Variants in UTRN observed in about 807,000 individuals in gnomAD.
The protein encoded by UTRN is dystrophin-related protein 1.
A neutral mutation model predicts 463.9 loss-of-function variants in UTRN; 283 were observed. The ratio of observed to expected loss-of-function variants is 0.61; its 90% CI spans 0.55 to 0.67. The LOEUF is 0.67. UTRN is among the 30% of genes least tolerant of loss of function. The pLI, the probability that UTRN is intolerant of heterozygous loss-of-function variation, is 0.00. For missense variants in UTRN, 3,922 were observed against 4,084.3 expected, an observed-to-expected ratio of 0.96 and a Z score of 1.08; for synonymous variants, 1,442 against 1,431.5, an observed-to-expected ratio of 1.01 and a Z score of -0.17.
chr6:144,512,260 A>G (rs957263330), intron 35 of UTRN, among the ~76,000 whole-genome samples: 4 of 152,100 alleles, frequency 2.6e-5, no homozygotes, highest in African/African-American at 9.7e-5. Flanking sequence ...TTAATTTTTA[A>G]TTACTAGCTT....
chr6:144,389,135 T>C (rs2114759601), intron 2 of UTRN, among the ~76,000 whole-genome samples: 1 of 152,272 alleles, frequency 6.6e-6, no homozygotes, highest in East Asian at 1.9e-4. Flanking sequence ...AAGATGAACA[T>C]TGGCTTGGTC....
intron 51 of UTRN, among the ~76,000 whole-genome samples, chr6:144,599,110 G>A (rs1194367606): frequency 1.3e-5 from 2 of 152,086 alleles, no homozygotes; most frequent in East Asian, 3.8e-4. Flanking sequence ...TCTCATTTAA[G>A]GCACAAAGCA....
At chr6:144,725,924 G>C (rs1055979980) in intron 53 of UTRN, among the ~76,000 whole-genome samples, 1 of 152,200 alleles carries the variant, frequency 6.6e-6, no homozygotes, top group Non-Finnish European at 1.5e-5. Flanking sequence ...TACTTGGCAT[G>C]GTTCCCACCT....
chr6:144,419,999 A>G (rs1336360527), intron 3 of UTRN, among the ~76,000 whole-genome samples: 1 of 131,730 alleles, frequency 7.6e-6, no homozygotes, highest in Non-Finnish European at 1.7e-5. Flanking sequence ...CACACACACA[A>G]TAAAAACAGA....
Position 144,850,466 on chromosome 6 carries a change from T to C in UTRN, c.10294-523T>C, listed in dbSNP as rs1782396098. ...AATGTTTGACCTTCCCTTCAAAAGG[T>C]TGATACCACTTCCATGAGTGTGGCC... On this transcript the variant is annotated intron_variant, in intron 74 of 74. Coordinates refer to ENST00000367545, the MANE Select transcript of UTRN (RefSeq NM_007124.3). Among the ~76,000 whole-genome samples, 4 of 152,162 alleles carry C rather than the reference T, an allele frequency of 2.6e-5. No homozygotes were observed. In the South Asian group the frequency reaches 6.2e-4, roughly 24 times the overall value.
chr6:144,380,979 T>TC (rs1433435057), intron 2 of UTRN, among the ~76,000 whole-genome samples: 4 of 152,096 alleles, frequency 2.6e-5, no homozygotes, highest in African/African-American at 9.7e-5. Context: ...TTCCTTTCTT[T>TC]TTTTCTTTCT....
chr6:144,551,136 G>GACAC (rs5880596), intron 48 of UTRN, 54 bp downstream of exon 48: 37,607 of 633,608 alleles, frequency 0.059, 2,355 homozygotes, highest in African/African-American at 0.29. Flanking sequence ...TGCAAATGGT[G>GACAC]ACACACACAC....
chr6:144,622,020 AT>A (rs1775433359), intron 51 of UTRN, among the ~76,000 whole-genome samples: 1 of 151,834 alleles, frequency 6.6e-6, no homozygotes, highest in Non-Finnish European at 1.5e-5. Context: ...ATATAAATAG[AT>A]CTTCATTGTA....
chr6:144,425,565 G>T (rs957944614), intron 6 of UTRN, among the ~76,000 whole-genome samples: 1 of 152,076 alleles, frequency 6.6e-6, no homozygotes, highest in Non-Finnish European at 1.5e-5. Context: ...ATTAGTTGGT[G>T]TTCTACTTGT....
rs143401888 is a variant in UTRN at position 144,763,517 on chromosome 6, A to G, written c.8495+5528A>G. Among the ~76,000 whole-genome samples, 1,083 of 152,278 alleles carry G rather than the reference A, an allele frequency of 7.1e-3. 16 individuals carry two copies. Among genetic ancestry groups the G allele is most frequent in the African/African-American group, 0.023 (949 of 41,550 alleles). On this transcript the variant is annotated intron_variant, in intron 58 of 74. Transcript: ENST00000367545. ...GATCTTTATCGCAGTCATACAGTTC[A>G]TTTGCATAGATTGTATATACTTGTC... is the stretch of plus-strand genomic sequence containing the variant.
intron 17 of UTRN, among the ~76,000 whole-genome samples, chr6:144,449,972 A>G (rs1429932782): frequency 6.6e-6 from 1 of 152,200 alleles, no homozygotes; most frequent in Non-Finnish European, 1.5e-5. Context: ...AATAATAGAC[A>G]TAAAACACTT....
chr6:144,771,813 A>G, intron 58 of UTRN, 94 bp from the exon 59 acceptor site: 1 of 1,035,880 alleles, frequency 9.7e-7, no homozygotes, highest in Non-Finnish European at 1.4e-6. Context: ...TAAAAATTTG[A>G]AAAAAATCAT....
chr6:144,817,898 A>G (rs927637560), intron 65 of UTRN, among the ~76,000 whole-genome samples: 11 of 152,206 alleles, frequency 7.2e-5, no homozygotes, highest in Non-Finnish European at 1.5e-4. Flanking sequence ...TATGAGTATT[A>G]TTAGAAACTC....
At chr6:144,537,824 T>C in intron 44 of UTRN, 107 bp downstream of exon 44, 1 of 1,461,066 alleles carries the variant, frequency 6.8e-7, no homozygotes, top group South Asian at 1.4e-5. Flanking sequence ...CTTTGTACTT[T>C]TTGGTAAATG....
intron 21 of UTRN, 147 bp downstream of exon 21, chr6:144,459,501 C>G (rs1789196575): frequency 1.3e-6 from 1 of 796,472 alleles, no homozygotes; most frequent in Admixed American, 3.6e-5. Context: ...GTCTTAAAGT[C>G]TTCTGTATTC....
At position 144,286,303 on chromosome 6, in the gene UTRN, G is replaced by C. The variant is rs1803651782; in HGVS notation, c.-93+482G>C. On this transcript the variant is annotated intron_variant, in intron 1 of 74. Transcript: ENST00000367545. This position sits in a 1 kb window ranked among gnomAD's most constrained non-coding sequence, Gnocchi z 4.4. ...CGGGGCTCCGGCGGTGTCCACAGGA[G>C]AGGGTGGGCAGAGGGTGGCTGTGTG... 1.3e-5 allele frequency among the ~76,000 whole-genome samples: 2 copies of C among 152,178 alleles called. No individual in the cohort carries two copies. Among genetic ancestry groups the C allele is most frequent in the African/African-American group, 4.8e-5 (2 of 41,444 alleles).
intron 34 of UTRN, among the ~76,000 whole-genome samples, chr6:144,506,424 C>A (rs961368378): frequency 6.6e-6 from 1 of 152,132 alleles, no homozygotes; most frequent in African/African-American, 2.4e-5. Context: ...GTATTTAGTG[C>A]TTCCTTTGGG....
At chr6:144,659,218 AG>A (rs752364067) in intron 51 of UTRN, among the ~76,000 whole-genome samples, 5 of 152,234 alleles carry the variant, frequency 3.3e-5, no homozygotes, top group Admixed American at 6.5e-5. Context: ...ACAATGTAAA[AG>A]ATAGAGAACT....
intron 52 of UTRN, among the ~76,000 whole-genome samples, chr6:144,690,608 G>A (rs543482609): frequency 3.3e-5 from 5 of 152,242 alleles, no homozygotes; most frequent in East Asian, 1.9e-4. Context: ...CCTGCGACCC[G>A]TGCCTGAGTT....
Sources: gnomAD v4.1 joint callset for allele counts (sites outside exome capture counted in the v4.1 genomes callset) on GRCh38, gnomAD v4.1.1 for gene constraint, Gnocchi (gnomAD v3.1) non-coding constraint, MANE v1.5 for transcripts, NCBI Gene and HGNC (gene_info 2026-07-23, HGNC 2026-07-21) for gene names.